Variants in SHC3 observed in about 807,000 individuals in gnomAD.
The protein encoded by SHC3 is SHC adaptor protein 3.
In SHC3, 15 loss-of-function variants were observed where a neutral mutation model predicts 60.4. That is an observed-to-expected ratio of 0.25 (90% CI 0.17 to 0.38). The LOEUF (loss-of-function observed/expected upper bound fraction) is 0.38. SHC3 is among the 10% of genes least tolerant of loss of function. The pLI is 1.00. For missense variants in SHC3, 677 were observed against 786.1 expected, an observed-to-expected ratio of 0.86 and a Z score of 1.66; for synonymous variants, 294 against 325.9, an observed-to-expected ratio of 0.90 and a Z score of 1.05.
intron 3 of SHC3, among the ~76,000 whole-genome samples, 189 bp from the exon 4 acceptor site, chr9:89,075,417 A>G (rs1448010406): frequency 6.6e-6 from 1 of 152,250 alleles, no homozygotes; most frequent in Non-Finnish European, 1.5e-5. Context: ...TAGAATATGC[A>G]ACATGCAAAT....
intron 10 of SHC3, among the ~76,000 whole-genome samples, chr9:89,040,011 C>G (rs1472953665): frequency 6.8e-6 from 1 of 146,904 alleles, no homozygotes; most frequent in African/African-American, 2.5e-5. Flanking sequence ...TTGCCACCAC[C>G]ACCACCACCA....
chr9:89,163,871 C>G (rs189291254), intron 1 of SHC3, among the ~76,000 whole-genome samples: 1 of 151,338 alleles, frequency 6.6e-6, no homozygotes, highest in Non-Finnish European at 1.5e-5. Context: ...GGTGAGGGCT[C>G]GCTCACTGGT....
At chr9:89,042,679 T>A (rs1824707005) in intron 9 of SHC3, among the ~76,000 whole-genome samples, 1 of 152,228 alleles carries the variant, frequency 6.6e-6, no homozygotes, top group African/African-American at 2.4e-5. Flanking sequence ...GAGAGACTCC[T>A]TCCTTATAAA....
At position 89,144,793 on chromosome 9, in the gene SHC3, C is replaced by CT. The variant is rs111787286; in HGVS notation, c.475-32168dup. On this transcript the variant is annotated intron_variant, in intron 1 of 11. Coordinates refer to ENST00000375835, the MANE Select transcript of SHC3 (RefSeq NM_016848.6). ...ACTTTTTGTTAATTATGTCATGAGC[C>CT]TTTTTTTTTTGGTCTCAATGCAGTG... Among the ~76,000 whole-genome samples, 422 of 146,350 alleles carry CT rather than the reference C, an allele frequency of 2.9e-3. 1 individual carries two copies. The highest frequency in any genetic ancestry group is 8.4e-3 in the African/African-American group (336 of 40,210).
intron 1 of SHC3, among the ~76,000 whole-genome samples, chr9:89,177,087 CCT>C (rs1308803351): frequency 2.0e-5 from 3 of 152,208 alleles, no homozygotes; most frequent in Non-Finnish European, 2.9e-5. Flanking sequence ...ATCCTTAACC[CCT>C]GTCTGCTCGG....
At chr9:89,061,301 T>C (rs750115513) in intron 6 of SHC3, among the ~76,000 whole-genome samples, 2 of 152,200 alleles carry the variant, frequency 1.3e-5, no homozygotes, top group African/African-American at 2.4e-5. Flanking sequence ...CTGTGTTACT[T>C]CCACCAATGA....
intron 1 of SHC3, among the ~76,000 whole-genome samples, chr9:89,165,922 C>G (rs943538820): frequency 6.6e-6 from 1 of 152,126 alleles, no homozygotes; most frequent in African/African-American, 2.4e-5. Context: ...ATTGCCTCTA[C>G]TTTCATTCTT....
At chr9:89,166,916 C>T (rs1220696350) in intron 1 of SHC3, among the ~76,000 whole-genome samples, 2 of 152,190 alleles carry the variant, frequency 1.3e-5, no homozygotes, top group Non-Finnish European at 2.9e-5. Context: ...CTGTTGTCTG[C>T]ACCTTGAGGT....
At chr9:89,140,987 A>T (rs140999039) in intron 1 of SHC3, among the ~76,000 whole-genome samples, 71 of 152,342 alleles carry the variant, frequency 4.7e-4, no homozygotes, top group Non-Finnish European at 8.2e-4. Context: ...TTTTAACCAT[A>T]GCGCTCTTTT....
chr9:89,165,551 G>A (rs560822628), intron 1 of SHC3, among the ~76,000 whole-genome samples: 40 of 149,398 alleles, frequency 2.7e-4, no homozygotes, highest in African/African-American at 9.6e-4. Context: ...AAATGGTGAG[G>A]GCATGAATCA....
chr9:89,113,751 T>C (rs947960706), intron 1 of SHC3, among the ~76,000 whole-genome samples: 3 of 152,190 alleles, frequency 2.0e-5, no homozygotes, highest in African/African-American at 7.2e-5. Context: ...AAAAACATCA[T>C]CATGGAATTA....
At position 89,106,902 on chromosome 9, in the gene SHC3, C is replaced by T. The variant is rs77649728; in HGVS notation, c.545+5654G>A. Among the ~76,000 whole-genome samples, 179 of 152,070 alleles carry T rather than the reference C, an allele frequency of 1.2e-3. No homozygotes were observed. The East Asian group carries it at 0.013, about 11-fold the overall frequency. Reference sequence around the variant, plus strand: ...GATGCATTATGGTTGAGGGACTGAACACGAAAATAGAGCAGAATGAGGCCT... The same window carrying T: ...GATGCATTATGGTTGAGGGACTGAATACGAAAATAGAGCAGAATGAGGCCT... On this transcript the variant is annotated intron_variant, in intron 2 of 11. Transcript: ENST00000375835.
intron 1 of SHC3, among the ~76,000 whole-genome samples, chr9:89,161,017 G>A (rs1826696783): frequency 6.6e-6 from 1 of 152,186 alleles, no homozygotes; most frequent in Admixed American, 6.5e-5. Flanking sequence ...GTGCCCTGCA[G>A]CTGCTCCCAT....
chr9:89,124,680 C>T (rs908716884), intron 1 of SHC3, among the ~76,000 whole-genome samples: 3 of 151,854 alleles, frequency 2.0e-5, no homozygotes, highest in African/African-American at 7.3e-5. Context: ...CACACCGGGG[C>T]CTGTCAGGGG....
At chr9:89,150,063 G>A (rs956420385) in intron 1 of SHC3, among the ~76,000 whole-genome samples, 1 of 152,182 alleles carries the variant, frequency 6.6e-6, no homozygotes, top group African/African-American at 2.4e-5. Flanking sequence ...CAAGAGTAGT[G>A]ATGCTGACTT....
intron 1 of SHC3, among the ~76,000 whole-genome samples, chr9:89,124,354 T>C (rs1482443827): frequency 6.6e-6 from 1 of 152,174 alleles, no homozygotes; most frequent in Non-Finnish European, 1.5e-5. Flanking sequence ...ATGCAAAGAA[T>C]TATAAATCAT....
At chr9:89,032,676 C>T (rs778585688) in intron 11 of SHC3, among the ~76,000 whole-genome samples, 8 of 152,134 alleles carry the variant, frequency 5.3e-5, no homozygotes, top group Non-Finnish European at 8.8e-5. Flanking sequence ...ATGCCCCACG[C>T]AGCTTCTCAC....
chr9:89,035,852 T>TATATATATA (rs372898972), intron 11 of SHC3, among the ~76,000 whole-genome samples: 3 of 82,120 alleles, frequency 3.7e-5, no homozygotes, highest in Non-Finnish European at 7.2e-5. Flanking sequence ...TATATATAGA[T>TATATATATA]GTGTGTGTGT....
At chr9:89,129,981 A>C (rs1382699862) in intron 1 of SHC3, among the ~76,000 whole-genome samples, 3 of 152,234 alleles carry the variant, frequency 2.0e-5, no homozygotes. Context: ...TAAACAGTCA[A>C]GACCCATCAG....
Sources: gnomAD v4.1 joint callset for allele counts (sites outside exome capture counted in the v4.1 genomes callset) on GRCh38, gnomAD v4.1.1 for gene constraint, MANE v1.5 for transcripts, NCBI Gene and HGNC (gene_info 2026-07-23, HGNC 2026-07-21) for gene names.